ZBTB1: variants seen among roughly 807,000 people sequenced by gnomAD.
ZBTB1 encodes zinc finger and BTB domain containing 1.
Under a neutral mutation model 51.6 loss-of-function variants are expected in ZBTB1, and 13 were observed. That is an observed-to-expected ratio of 0.25 (90% CI 0.16 to 0.40). ZBTB1 has a LOEUF of 0.40. Among genes scored for constraint, ZBTB1 ranks in the 10% least tolerant of loss-of-function variants. The pLI is 1.00. For synonymous variants in ZBTB1, 240 were observed against 282.2 expected, an observed-to-expected ratio of 0.85 and a Z score of 1.50; for missense variants, 567 against 856.5, an observed-to-expected ratio of 0.66 and a Z score of 4.22.
rs2079877274 is a variant in ZBTB1 at position 64,523,181 on chromosome 14, A to G, written c.1677A>G (p.Gln559=). The change falls in exon 2 of 2, where the codon CAA becomes CAG. Residue 559 remains glutamine, a synonymous_variant. Coordinates refer to ENST00000683701, the MANE Select transcript of ZBTB1 (RefSeq NM_001123329.2). This position sits in a 1 kb window ranked among gnomAD's most constrained non-coding sequence, Gnocchi z 4.5. ...VVEHMSSCLD[Q]DMFKSAIMEE... Reference sequence around the variant, plus strand: ...AACATATGTCTAGCTGCTTAGATCAAGATATGTTTAAGAGTGCCATCATGG... The same window carrying G: ...AACATATGTCTAGCTGCTTAGATCAGGATATGTTTAAGAGTGCCATCATGG... 1 of 1,614,100 alleles carries G rather than the reference A, an allele frequency of 6.2e-7. No individual in the cohort carries two copies. The highest frequency in any genetic ancestry group is 1.3e-5 in the African/African-American group (1 of 74,936).
chr14:64,520,711 AAAT>A (rs780861377), intron 1 of ZBTB1, among the ~76,000 whole-genome samples: 20 of 152,244 alleles, frequency 1.3e-4, no homozygotes, highest in Non-Finnish European at 2.4e-4. Flanking sequence ...AACACAATCA[AAAT>A]ACCTTTCTCA....
chr14:64,511,953 G>A (rs2079729003), intron 1 of ZBTB1, among the ~76,000 whole-genome samples: 1 of 152,180 alleles, frequency 6.6e-6, no homozygotes, highest in African/African-American at 2.4e-5. Flanking sequence ...AGGAGACCAA[G>A]GTCTTATCCT....
intron 2 of ZBTB1, chr14:64,531,851 T>G: frequency 6.2e-7 from 1 of 1,613,770 alleles, no homozygotes; most frequent in Non-Finnish European, 8.5e-7. Flanking sequence ...TGTCTTTTTC[T>G]GTGTGGCAGT....
Position 64,504,834 on chromosome 14 carries a change from C to G in ZBTB1, c.-131C>G. On this transcript the variant is annotated 5_prime_UTR_variant, in exon 1 of 2. Coordinates refer to ENST00000683701, the MANE Select transcript of ZBTB1 (RefSeq NM_001123329.2). Reference sequence around the variant, plus strand: ...GCAGCCCAGCCCGAGCGCCGAGCGCCGCGCGCCGCCGCCACTGCAGCTCGC... The same window carrying G: ...GCAGCCCAGCCCGAGCGCCGAGCGCGGCGCGCCGCCGCCACTGCAGCTCGC... The G allele has an allele frequency of 5.1e-6, 2 of 393,378 alleles. No homozygotes were observed. The highest frequency in any genetic ancestry group is 9.0e-6 in the Non-Finnish European group (2 of 222,914). The allele number at this position is 393,378 out of a possible 1,614,324, so 24.4% of individuals were successfully genotyped here. A position where few individuals can be genotyped will look rare whatever the true frequency, so the allele number is the denominator to read the frequency against.
intron 1 of ZBTB1, chr14:64,518,586 C>G (rs1377552417): frequency 2.6e-5 from 4 of 152,068 alleles, no homozygotes; most frequent in Non-Finnish European, 5.9e-5. Flanking sequence ...CGTAGATACC[C>G]TTAATTACTA....
In ZBTB1 at chr14:64,515,765, C is replaced by T. The variant is rs993189725; in HGVS notation, c.-18-5722C>T. ...CGATTTCCTGACCTTGTGATCCACCCGCCTCCGCCTCCCAAAGTGCTGGGA... is the reference window on the plus strand; with the variant it reads ...CGATTTCCTGACCTTGTGATCCACCTGCCTCCGCCTCCCAAAGTGCTGGGA... On this transcript the variant is annotated intron_variant, in intron 1 of 1. Coordinates refer to ENST00000683701, the MANE Select transcript of ZBTB1 (RefSeq NM_001123329.2). Among the ~76,000 whole-genome samples the T allele has an allele frequency of 6.6e-5, 10 of 152,106 alleles. No individual in the cohort carries two copies. The South Asian group carries it at 8.3e-4, about 13-fold the overall frequency.
chr14:64,526,307 C>G (rs2079903644), downstream of ZBTB1, among the ~76,000 whole-genome samples: 1 of 152,182 alleles, frequency 6.6e-6, no homozygotes, highest in African/African-American at 2.4e-5. Context: ...CAGCCCAGTT[C>G]CCTAATATCT....
chr14:64,525,453 G>C (rs1282285337), downstream of ZBTB1, among the ~76,000 whole-genome samples: 1 of 152,180 alleles, frequency 6.6e-6, no homozygotes, highest in Non-Finnish European at 1.5e-5. Flanking sequence ...ATAGGAACCA[G>C]ATAAAAGTTC....
chr14:64,505,098 G>A (rs1203074495), intron 1 of ZBTB1, 152 bp downstream of exon 1: 1 of 353,922 alleles, frequency 2.8e-6, no homozygotes, highest in Non-Finnish European at 5.1e-6. Context: ...ACCCGGTGAC[G>A]GGCGGCTGCC....
At position 64,517,247 on chromosome 14, in the gene ZBTB1, A is replaced by G. The variant is rs558379565; in HGVS notation, c.-18-4240A>G. ...ATACTGTATTTGAGGTATTATCCCT[A>G]CCTTTTCAGTTCAGGAAACTTAGGG... On this transcript the variant is annotated intron_variant, in intron 1 of 1. Transcript: ENST00000683701. Among the ~76,000 whole-genome samples, 4 of 152,212 alleles carry G rather than the reference A, an allele frequency of 2.6e-5. No individual in the cohort carries two copies. The South Asian group carries it at 8.3e-4, about 32-fold the overall frequency.
At chr14:64,514,472 T>C (rs1382408883) in intron 1 of ZBTB1, 6 of 152,202 alleles carry the variant, frequency 3.9e-5, no homozygotes, top group African/African-American at 1.4e-4. Flanking sequence ...ATATGCTTAT[T>C]TATAGACCCT....
chr14:64,525,374 A>T (rs538273692), downstream of ZBTB1, among the ~76,000 whole-genome samples: 89 of 152,354 alleles, frequency 5.8e-4, no homozygotes, highest in African/African-American at 2.0e-3. Context: ...CCTTACTTAG[A>T]TACAATAGTT....
chr14:64,527,300 C>A (rs2079910686), downstream of ZBTB1, among the ~76,000 whole-genome samples: 1 of 151,820 alleles, frequency 6.6e-6, no homozygotes. Flanking sequence ...CATGGCAAAA[C>A]CCCACCTCTA....
chr14:64,504,596 C>T, upstream of ZBTB1: 1 of 257,452 alleles, frequency 3.9e-6, no homozygotes. Context: ...TTGCAACAAA[C>T]AGGCGACCGC....
At chr14:64,511,568 G>C (rs1406601545) in intron 1 of ZBTB1, among the ~76,000 whole-genome samples, 2 of 152,148 alleles carry the variant, frequency 1.3e-5, no homozygotes, top group African/African-American at 4.8e-5. Flanking sequence ...CATTTCCCTA[G>C]ATCTTCAGAA....
chr14:64,521,778 T>C lies in ZBTB1; in HGVS notation c.274T>C (p.Ser92Pro). The C allele has an allele frequency of 1.2e-6, 2 of 1,612,004 alleles. No individual in the cohort carries two copies. The highest frequency in any genetic ancestry group is 1.7e-6 in the Non-Finnish European group (2 of 1,180,016). Reference protein sequence around the residue: ...MYLGKIMTAPSSFEQFKVAMN... With the variant: ...MYLGKIMTAPPSFEQFKVAMN... ...TTTAGGAAAAATTATGACAGCTCCCTCCAGTTTTGAGCAGTTTAAAGTGGC... is the reference window on the plus strand; with the variant it reads ...TTTAGGAAAAATTATGACAGCTCCCCCCAGTTTTGAGCAGTTTAAAGTGGC... The change falls in exon 2 of 2, where the codon TCC (serine) becomes CCC (proline). Residue 92 changes from serine (S) to proline (P), a missense_variant. By Grantham distance (74) the Ser-to-Pro change is moderately conservative (BLOSUM62 -1). Coordinates refer to ENST00000683701, the MANE Select transcript of ZBTB1 (RefSeq NM_001123329.2).
intron 1 of ZBTB1, among the ~76,000 whole-genome samples, chr14:64,509,806 C>G (rs915017020): frequency 2.0e-5 from 3 of 150,724 alleles, no homozygotes; most frequent in Non-Finnish European, 4.4e-5. Context: ...CCCGTCTCTA[C>G]TAAAAATACA....
intron 1 of ZBTB1, among the ~76,000 whole-genome samples, chr14:64,511,808 CA>C (rs888575367): frequency 6.6e-6 from 1 of 152,210 alleles, no homozygotes; most frequent in Non-Finnish European, 1.5e-5. Flanking sequence ...TGTGTAGGTG[CA>C]AACCCTTGCA....
chr14:64,517,781 A>ATATATATAAATATTTTTTT (rs1160337478), intron 1 of ZBTB1, among the ~76,000 whole-genome samples: 1 of 41,550 alleles, frequency 2.4e-5, no homozygotes, highest in East Asian at 7.8e-4. Flanking sequence ...ATATATATAT[A>ATATATATAAATATTTTTTT]TTTTTTTTTT....
Sources: allele counts gnomAD v4.1 joint callset (sites outside exome capture counted in the v4.1 genomes callset), GRCh38; gene constraint gnomAD v4.1.1; non-coding constraint Gnocchi (gnomAD v3.1); transcripts MANE v1.5; gene names NCBI Gene and HGNC (gene_info 2026-07-23, HGNC 2026-07-21).